Variants in FFAR4 observed in about 807,000 individuals in gnomAD.
FFAR4 encodes G-protein coupled receptor 120.
Under a neutral mutation model 27.0 loss-of-function variants are expected in FFAR4, and 19 were observed. That is an observed-to-expected ratio of 0.70 (90% confidence interval 0.49 to 1.03). The LOEUF (loss-of-function observed/expected upper bound fraction) is 1.03, where lower values mean the gene tolerates loss of function less well. Ranked by LOEUF, FFAR4 falls within the 50% of genes least tolerant of loss-of-function variation. The pLI, the probability that FFAR4 is intolerant of heterozygous loss-of-function variation, is 0.00. For missense variants in FFAR4, 476 were observed against 479.0 expected (o/e 0.99, Z 0.06); for synonymous variants, 254 against 215.6 (o/e 1.18, Z -1.56).
chr10:93,575,074 A>G (rs2058156084), intron 1 of FFAR4, among the ~76,000 whole-genome samples: 1 of 152,228 alleles, frequency 6.6e-6, no homozygotes, highest in Admixed American at 6.5e-5. Context: ...TGAATGAATG[A>G]ATGGTACTTC....
At chr10:93,574,364 CCCTT>C (rs1333239655) in intron 1 of FFAR4, among the ~76,000 whole-genome samples, 1 of 152,122 alleles carries the variant, frequency 6.6e-6, no homozygotes, top group Non-Finnish European at 1.5e-5. Context: ...TTTCTACTCT[CCCTT>C]AAAATTTTTC....
intron 1 of FFAR4, among the ~76,000 whole-genome samples, chr10:93,567,871 A>C (rs946866985): frequency 6.6e-6 from 1 of 152,104 alleles, no homozygotes; most frequent in Admixed American, 6.5e-5. Flanking sequence ...TGCTGTCTTT[A>C]GGGGACTTGT....
Position 93,566,947 on chromosome 10 carries a change from G to T in FFAR4, c.227G>T (p.Cys76Phe). Residue 76 changes from cysteine (C) to phenylalanine (F), a missense_variant, in exon 1 of 3, where the codon TGC becomes TTC. Cys to Phe is a radical substitution (Grantham distance 205). Transcript: ENST00000371481. ...ARRRRRGATA[C>F]LVLNLFCADL... ...CGACGACGCCGCGGCGCGACTGCCT[G>T]CCTGGTACTCAACCTCTTCTGCGCG... The T allele has an allele frequency of 6.2e-7, 1 of 1,610,806 alleles. No individual in the cohort carries two copies. The highest frequency in any genetic ancestry group is 8.5e-7 in the Non-Finnish European group (1 of 1,179,484).
chr10:93,566,725 C>A lies in FFAR4; in HGVS notation c.5C>A (p.Ser2Tyr). Residue 2 changes from serine (S) to tyrosine (Y), a missense_variant, in exon 1 of 3, where the codon TCC becomes TAC. Physicochemically the swap from Ser to Tyr is moderately radical, Grantham distance 144. Transcript: ENST00000371481. Reference protein sequence around the residue: MSPECARAAGDA... With the variant: MYPECARAAGDA... ...GCGGGCCGCCAGGCGCCGGGAATGTCCCCTGAATGCGCGCGGGCAGCGGGC... is the reference window on the plus strand; with the variant it reads ...GCGGGCCGCCAGGCGCCGGGAATGTACCCTGAATGCGCGCGGGCAGCGGGC... The A allele has an allele frequency of 6.3e-7, 1 of 1,589,306 alleles. No homozygotes were observed. Among genetic ancestry groups the A allele is most frequent in the Non-Finnish European group, 8.5e-7 (1 of 1,171,858 alleles).
intron 2 of FFAR4, chr10:93,579,302 G>A (rs1037966107): frequency 9.2e-5 from 98 of 1,061,032 alleles, no homozygotes; most frequent in Non-Finnish European, 1.3e-4. Context: ...GTCTGGCCCC[G>A]CTGCCGTTCT....
rs17108978 is a variant in FFAR4 at position 93,588,270 on chromosome 10, G to A, written c.*661G>A. 0.33 allele frequency: 50,434 copies of A among 151,966 alleles called. 9,112 individuals carry two copies. Among genetic ancestry groups the A allele is most frequent in the African/African-American group, 0.47 (19,283 of 41,414 alleles). The allele number at this position is 151,966 out of a possible 1,614,324, so 9.4% of individuals were successfully genotyped here. A position where few individuals can be genotyped will look rare whatever the true frequency, so the allele number is the denominator to read the frequency against. ...GTGAGTCTTAGAACCGATTCAGGAC[G>A]CAGATTTCTCCTCTGAAGGGTCACA... On this transcript the variant is annotated 3_prime_UTR_variant, in exon 3 of 3. Transcript: ENST00000371481.
chr10:93,574,798 G>A (rs201532626), intron 1 of FFAR4, among the ~76,000 whole-genome samples: 1 of 152,154 alleles, frequency 6.6e-6, no homozygotes, highest in African/African-American at 2.4e-5. Context: ...GGAGGCTGAG[G>A]CGAGGCAGGA....
rs748958263 is a variant in FFAR4 at position 93,566,702 on chromosome 10, G to C, written c.-19G>C. ...GATGAGCACTCTCTCAGACCGCTGC[G>C]GGCCGCCAGGCGCCGGGAATGTCCC... On this transcript the variant is annotated 5_prime_UTR_variant, in exon 1 of 3. Coordinates refer to ENST00000371481, the MANE Select transcript of FFAR4 (RefSeq NM_001195755.2). 5.2e-5 allele frequency: 79 copies of C among 1,521,806 alleles called. No individual in the cohort carries two copies. The highest frequency in any genetic ancestry group is 1.7e-4 in the Middle Eastern group (1 of 5,748). 94.3% of individuals were successfully genotyped at this position (1,521,806 alleles called of 1,614,324 possible). A position where few individuals can be genotyped will look rare whatever the true frequency, so the allele number is the denominator to read the frequency against.
chr10:93,579,464 T>C (rs1206777285), intron 2 of FFAR4, among the ~76,000 whole-genome samples: 2 of 152,174 alleles, frequency 1.3e-5, no homozygotes, highest in Non-Finnish European at 2.9e-5. Context: ...ACTTCCCCAC[T>C]TCATTTAGTT....
chr10:93,576,075 T>C lies in FFAR4; in HGVS notation c.568-16T>C, dbSNP rs758230757. On this transcript the variant is annotated splice_polypyrimidine_tract_variant and intron_variant, in intron 1 of 2. Transcript: ENST00000371481. ...AGCCAGCATTTACATGATGTTCTTT[T>C]CCTTTTTGTAACTAGGAAATTTCGA... 3.1e-6 allele frequency: 5 copies of C among 1,613,562 alleles called. No individual in the cohort carries two copies. In the East Asian group the frequency reaches 1.1e-4, roughly 36 times the overall value.
rs1478920124 is a variant in FFAR4 at position 93,588,969 on chromosome 10, C to CT, written c.*1361dup. The stretch of plus-strand genomic sequence containing the variant: ...TGGGGAGGGGCCTAAGGAGACCTTT[C>CT]TGAGGAGTGACAAATTGGATCAAAA... On this transcript the variant is annotated 3_prime_UTR_variant, in exon 3 of 3. Transcript: ENST00000371481. 1 of 152,240 alleles carries CT rather than the reference C, an allele frequency of 6.6e-6. No individual in the cohort carries two copies. Among genetic ancestry groups the CT allele is most frequent in the Non-Finnish European group, 1.5e-5 (1 of 68,060 alleles). The allele number at this position is 152,240 out of a possible 1,614,324, so 9.4% of individuals were successfully genotyped here.
At chr10:93,568,560 C>G (rs1471965673) in intron 1 of FFAR4, among the ~76,000 whole-genome samples, 2 of 152,010 alleles carry the variant, frequency 1.3e-5, no homozygotes, top group Admixed American at 1.3e-4. Flanking sequence ...GACATGTCAC[C>G]AGGGGAAGGC....
rs1375909525 is a variant in FFAR4 at position 93,588,581 on chromosome 10, A to G, written c.*972A>G. Reference sequence around the variant, plus strand: ...CATGGCAGACAGTGTCCTTTGTGCTAGGAATACAGTGGTGAACCAGACAGC... The same window carrying G: ...CATGGCAGACAGTGTCCTTTGTGCTGGGAATACAGTGGTGAACCAGACAGC... On this transcript the variant is annotated 3_prime_UTR_variant, in exon 3 of 3. Coordinates refer to ENST00000371481, the MANE Select transcript of FFAR4 (RefSeq NM_001195755.2). 1 of 152,212 alleles carries G rather than the reference A, an allele frequency of 6.6e-6. No homozygotes were observed. The highest frequency in any genetic ancestry group is 1.5e-5 in the Non-Finnish European group (1 of 68,040). 9.4% of individuals were successfully genotyped at this position (152,212 alleles called of 1,614,324 possible). A position where few individuals can be genotyped will look rare whatever the true frequency, so the allele number is the denominator to read the frequency against.
intron 2 of FFAR4, among the ~76,000 whole-genome samples, chr10:93,586,329 T>A (rs549360119): frequency 6.6e-6 from 1 of 152,194 alleles, no homozygotes; most frequent in Admixed American, 6.5e-5. Context: ...AAGGAAACAT[T>A]TTCTTCCCCT....
intron 2 of FFAR4, among the ~76,000 whole-genome samples, chr10:93,583,027 C>T (rs1414617395): frequency 6.6e-6 from 1 of 152,048 alleles, no homozygotes; most frequent in Non-Finnish European, 1.5e-5. Context: ...CCTCCCTCCA[C>T]ACGTGGGGAT....
chr10:93,566,738 G>A lies in FFAR4; in HGVS notation c.18G>A (p.Ala6=), dbSNP rs565205498. MSPEC[A]RAAGDAPLRS... is the part of the protein sequence containing the mutation. ...CGCCGGGAATGTCCCCTGAATGCGCGCGGGCAGCGGGCGACGCGCCCTTGC... is the reference window on the plus strand; with the variant it reads ...CGCCGGGAATGTCCCCTGAATGCGCACGGGCAGCGGGCGACGCGCCCTTGC... The change falls in exon 1 of 3, where the codon GCG becomes GCA. Residue 6 remains alanine (A), a synonymous_variant. Coordinates refer to ENST00000371481, the MANE Select transcript of FFAR4 (RefSeq NM_001195755.2). 37 of 1,598,066 alleles carry A rather than the reference G, an allele frequency of 2.3e-5. No individual in the cohort carries two copies. Among genetic ancestry groups the A allele is most frequent in the Non-Finnish European group, 2.9e-5 (34 of 1,175,590 alleles).
chr10:93,585,926 C>A (rs866490288), intron 2 of FFAR4, among the ~76,000 whole-genome samples: 3 of 152,330 alleles, frequency 2.0e-5, no homozygotes, highest in Middle Eastern at 3.4e-3. Context: ...TTCCTTAACC[C>A]CTGACTCAGG....
rs1188254158 is a variant in FFAR4, at chr10:93,576,222, A to G, written c.696+3A>G. 6.8e-6 allele frequency: 11 copies of G among 1,613,976 alleles called. No individual in the cohort carries two copies. Among genetic ancestry groups the G allele is most frequent in the Non-Finnish European group, 9.3e-6 (11 of 1,179,922 alleles). On this transcript the variant is annotated splice_donor_region_variant and intron_variant, in intron 2 of 2. Coordinates refer to ENST00000371481, the MANE Select transcript of FFAR4 (RefSeq NM_001195755.2). ...TCAGTTACTCCAAAATTTTACAGGT[A>G]TGTTTTCTGCAAGTGCTGCCACTGA...
At chr10:93,568,324 G>C (rs80341313) in intron 1 of FFAR4, among the ~76,000 whole-genome samples, 6,068 of 152,212 alleles carry the variant, frequency 0.04, 213 homozygotes, top group East Asian at 0.11. Context: ...TTAGGTCTGT[G>C]CGCTGGGGGC....
Sources: gnomAD v4.1 joint callset for allele counts (sites outside exome capture counted in the v4.1 genomes callset) on GRCh38, gnomAD v4.1.1 for gene constraint, MANE v1.5 for transcripts, NCBI Gene and HGNC (gene_info 2026-07-23, HGNC 2026-07-21) for gene names.